The following USP54 variants were observed in gnomAD, a reference collection of about 807,000 sequenced individuals.
The protein encoded by USP54 is ubiquitin specific peptidase 54.
Under a neutral mutation model 170.5 loss-of-function variants are expected in USP54, and 87 were observed. The observed-to-expected ratio is 0.51, with a 90% CI of 0.43 to 0.61. The LOEUF is 0.61. USP54 is among the 20% of genes least tolerant of loss of function. USP54 has a pLI of 0.00. For synonymous variants in USP54, 655 were observed against 742.8 expected, an observed-to-expected ratio of 0.88 and a Z score of 1.92; for missense variants, 1,786 against 2,047.8, an observed-to-expected ratio of 0.87 and a Z score of 2.47.
Position 73,577,103 on chromosome 10 carries a change from C to T in USP54, c.-581-742G>A, listed in dbSNP as rs553952765. Among the ~76,000 whole-genome samples, 37 of 152,254 alleles carry T rather than the reference C, an allele frequency of 2.4e-4. 2 individuals carry two copies. The South Asian group carries it at 7.7e-3, about 32-fold the overall frequency. On this transcript the variant is annotated intron_variant, in intron 1 of 23. Coordinates refer to ENST00000687698, the MANE Select transcript of USP54 (RefSeq NM_001391956.1). ...GAGTAATACCAAAGCAAGTATGTTC[C>T]CTGGAAGGAAATCACCACATCTCCA...
At chr10:73,573,493 G>A (rs1221694858) in intron 3 of USP54, among the ~76,000 whole-genome samples, 1 of 152,166 alleles carries the variant, frequency 6.6e-6, no homozygotes, top group East Asian at 1.9e-4. Flanking sequence ...GCTGGGCACA[G>A]TGGCTCACGC....
At chr10:73,554,236 T>G (rs2070390107) in intron 4 of USP54, among the ~76,000 whole-genome samples, 2 of 152,168 alleles carry the variant, frequency 1.3e-5, no homozygotes, top group Non-Finnish European at 2.9e-5. Context: ...AGTGCTCCAG[T>G]GGGCAGCCCA....
intron 1 of USP54, among the ~76,000 whole-genome samples, chr10:73,587,576 A>G (rs1016597666): frequency 3.3e-5 from 5 of 152,130 alleles, no homozygotes; most frequent in African/African-American, 1.2e-4. Flanking sequence ...ATTCCTAGAG[A>G]ACATTATGTG....
At chr10:73,507,534 C>T (rs1305998786) in intron 20 of USP54, among the ~76,000 whole-genome samples, 2 of 151,684 alleles carry the variant, frequency 1.3e-5, no homozygotes, top group African/African-American at 2.4e-5. Flanking sequence ...ATTAGCCAGG[C>T]GTGGTGGCGG....
At chr10:73,522,628 A>G (rs552789367) in intron 17 of USP54, among the ~76,000 whole-genome samples, 1 of 152,368 alleles carries the variant, frequency 6.6e-6, no homozygotes, top group South Asian at 2.1e-4. Context: ...GGGAAAAAAG[A>G]CTATCCAAAT....
rs201357424 is a variant in USP54, at chr10:73,526,692, A to G, written c.2149T>C (p.Ser717Pro). 330 of 1,614,190 alleles carry G rather than the reference A, an allele frequency of 2.0e-4. No individual in the cohort carries two copies. Among genetic ancestry groups the G allele is most frequent in the Non-Finnish European group, 6.7e-5 (79 of 1,180,028 alleles). ...SHSSSILEVDSTASMGGWTKS... is the reference protein window; with the variant it reads ...SHSSSILEVDPTASMGGWTKS... ...GTCCAGCCACCCATGGATGCTGTGG[A>G]GTCTACCTCCAGGATGCTACTGCTG... The change falls in exon 16 of 24, where the codon TCC (serine) becomes CCC (proline). Residue 717 changes from serine (S) to proline (P), a missense_variant. Physicochemically the swap from Ser to Pro is moderately conservative, Grantham distance 74. Around this residue, in one of 3 missense-constraint regions of USP54, gnomAD observed 1,418 missense variants for 1,569.0 expected, o/e 0.90. Transcript: ENST00000687698.
Position 73,521,029 on chromosome 10 carries a change from T to A in USP54, c.2363-2A>T. The A allele has an allele frequency of 6.2e-7, 1 of 1,613,722 alleles. No homozygotes were observed. Among genetic ancestry groups the A allele is most frequent in the Non-Finnish European group, 8.5e-7 (1 of 1,180,026 alleles). ...ACCTCTCAAAGCCGTCACTCCTCCC[T>A]GAAAGGGCCAGCACTTTTCATTTTC... On this transcript the variant is annotated splice_acceptor_variant, in intron 17 of 23. Transcript: ENST00000687698. LOFTEE classifies it high-confidence loss of function.
intron 4 of USP54, among the ~76,000 whole-genome samples, chr10:73,547,679 AT>A (rs1248641076): frequency 6.6e-6 from 1 of 152,226 alleles, no homozygotes; most frequent in African/African-American, 2.4e-5. Flanking sequence ...GGCTAGCCAT[AT>A]GTAGAAAGCT....
At chr10:73,604,776 A>C (rs143580123) in intron 1 of USP54, among the ~76,000 whole-genome samples, 2,065 of 152,168 alleles carry the variant, frequency 0.014, 16 homozygotes, top group Non-Finnish European at 0.023. Context: ...GCTGACTTCA[A>C]GAACGAAGCC....
intron 7 of USP54, 46 bp downstream of exon 7, chr10:73,542,757 C>T: frequency 6.7e-7 from 1 of 1,482,304 alleles, no homozygotes; most frequent in Non-Finnish European, 9.2e-7. Flanking sequence ...GTCCAATCAA[C>T]TGGAGGAATG....
intron 15 of USP54, among the ~76,000 whole-genome samples, chr10:73,528,378 A>G (rs1427896818): frequency 6.6e-6 from 1 of 151,562 alleles, no homozygotes; most frequent in East Asian, 1.9e-4. Flanking sequence ...CAGCCTCCCA[A>G]GTAGCTGGGA....
chr10:73,500,563 C>T, intron 23 of USP54, 92 bp downstream of exon 23: 8 of 1,247,806 alleles, frequency 6.4e-6, no homozygotes, highest in Non-Finnish European at 7.7e-6. Context: ...CCTTGGGATA[C>T]CCCCCTCCCC....
rs1309445928 is a variant in USP54, at chr10:73,519,971, T to A, written c.2504A>T (p.His835Leu). ...GCTGTGCGTGCTACAGCTGGCACCA[T>A]GCAGGGCAAGTCTTAGTTTAGCTAA... Reference protein sequence around the residue: ...EAISKLRLALHGASCSTHSRA... With the variant: ...EAISKLRLALLGASCSTHSRA... Residue 835 changes from histidine (H) to leucine (L), a missense_variant, in exon 19 of 24, where the codon CAT becomes CTT. Transcript: ENST00000687698. 5 of 1,610,742 alleles carry A rather than the reference T, an allele frequency of 3.1e-6. No individual in the cohort carries two copies. The highest frequency in any genetic ancestry group is 4.2e-6 in the Non-Finnish European group (5 of 1,178,466).
In USP54 at chr10:73,541,517, T is replaced by C. The variant is rs1157160703; in HGVS notation, c.683A>G (p.Asn228Ser). 1 of 1,614,180 alleles carries C rather than the reference T, an allele frequency of 6.2e-7. No homozygotes were observed. The highest frequency in any genetic ancestry group is 2.2e-5 in the East Asian group (1 of 44,880). Residue 228 changes from asparagine to serine, a missense_variant, in exon 9 of 24, where the codon AAC becomes AGC. Coordinates refer to ENST00000687698, the MANE Select transcript of USP54 (RefSeq NM_001391956.1). ...TMGDLRNCPS[N>S]CGERIRIRRV... Reference sequence around the variant, plus strand: ...GCGAATCCTGATCCTCTCTCCACAGTTGCTCTGAAATACATATATAAGGCT... The same window carrying C: ...GCGAATCCTGATCCTCTCTCCACAGCTGCTCTGAAATACATATATAAGGCT...
intron 5 of USP54, among the ~76,000 whole-genome samples, chr10:73,543,468 G>A (rs1176857888): frequency 6.6e-6 from 1 of 152,002 alleles, no homozygotes. Flanking sequence ...CCGGGTTCAC[G>A]CCATTCTCCT....
chr10:73,544,970 C>T (rs2067439639), intron 5 of USP54, among the ~76,000 whole-genome samples: 1 of 152,098 alleles, frequency 6.6e-6, no homozygotes, highest in Non-Finnish European at 1.5e-5. Flanking sequence ...CCTTGGCCTC[C>T]CAAAGTGCTG....
At chr10:73,542,254 A>G (rs948419510) in intron 7 of USP54, among the ~76,000 whole-genome samples, 5 of 152,100 alleles carry the variant, frequency 3.3e-5, no homozygotes, top group African/African-American at 1.2e-4. Context: ...ACGCGCAACC[A>G]TGCCTGGCTA....
In USP54 at chr10:73,530,185, G is replaced by C; in HGVS notation, c.1786C>G (p.His596Asp). The C allele has an allele frequency of 1.2e-6, 2 of 1,613,874 alleles. No individual in the cohort carries two copies. The highest frequency in any genetic ancestry group is 1.7e-6 in the Non-Finnish European group (2 of 1,180,002). ...DSIFSKDKRKHCGYTQLSPFS... is the reference protein window; with the variant it reads ...DSIFSKDKRKDCGYTQLSPFS... ...GGGCTAAGCTGGGTATAGCCACAGT[G>C]CTTCCTTTTGTCCTTACTAAAGATA... The change falls in exon 14 of 24, where the codon CAC becomes GAC. Residue 596 changes from histidine (H) to aspartate (D), a missense_variant. Transcript: ENST00000687698.
intron 16 of USP54, among the ~76,000 whole-genome samples, chr10:73,523,962 CA>C (rs2062405315): frequency 6.7e-6 from 1 of 149,674 alleles, no homozygotes; most frequent in Non-Finnish European, 1.5e-5. Flanking sequence ...GGCTGGAGTG[CA>C]ATGGCGCAAT....
Sources: gnomAD v4.1 joint callset for allele counts (sites outside exome capture counted in the v4.1 genomes callset) on GRCh38, gnomAD v4.1.1 for gene constraint, gnomAD v4.1.1 regional missense constraint, MANE v1.5 for transcripts, NCBI Gene and HGNC (gene_info 2026-07-23, HGNC 2026-07-21) for gene names.